TBC1D32: variants seen among roughly 807,000 people sequenced by gnomAD.
TBC1D32 encodes TBC1 domain family member 32, also known as protein broad-minded.
TBC1D32 carries 151 observed loss-of-function variants against 170.3 expected under a neutral mutation model. The observed-to-expected ratio is 0.89, with a 90% confidence interval of 0.78 to 1.01. TBC1D32 has a LOEUF of 1.01. Ranked by LOEUF, TBC1D32 falls within the 50% of genes least tolerant of loss-of-function variation. TBC1D32 has a pLI of 0.00. For synonymous variants in TBC1D32, 498 were observed against 488.0 expected (o/e 1.02, Z -0.27); for missense variants, 1,464 against 1,457.1 (o/e 1.00, Z -0.08).
chr6:121,295,123 GAA>G (rs1257239705), intron 10 of TBC1D32, among the ~76,000 whole-genome samples: 1 of 151,696 alleles, frequency 6.6e-6, no homozygotes, highest in East Asian at 1.9e-4. Flanking sequence ...ATAATTCAAA[GAA>G]AAGAGTCACA....
At chr6:121,132,901 T>C (rs924769657) in intron 24 of TBC1D32, among the ~76,000 whole-genome samples, 4 of 151,986 alleles carry the variant, frequency 2.6e-5, no homozygotes, top group Non-Finnish European at 4.4e-5. Flanking sequence ...TATACACATA[T>C]ACATATGTAA....
intron 22 of TBC1D32, among the ~76,000 whole-genome samples, chr6:121,172,641 T>C (rs1787194663): frequency 6.6e-6 from 1 of 152,218 alleles, no homozygotes; most frequent in Non-Finnish European, 1.5e-5. Context: ...ATACCAGCTA[T>C]GACCATGTGA....
intron 15 of TBC1D32, among the ~76,000 whole-genome samples, chr6:121,271,909 A>T (rs1583500036): frequency 6.6e-6 from 1 of 152,162 alleles, no homozygotes. Context: ...CAAAACAGAG[A>T]TATAGACCCA....
chr6:121,291,594 A>G (rs1804879968), intron 12 of TBC1D32, among the ~76,000 whole-genome samples: 1 of 152,182 alleles, frequency 6.6e-6, no homozygotes, highest in Non-Finnish European at 1.5e-5. Context: ...TTATATGGTA[A>G]TATACAAAAT....
At position 121,135,563 on chromosome 6, in the gene TBC1D32, T is replaced by C. The variant is rs543274646; in HGVS notation, c.2774-3811A>G. 2.0e-5 allele frequency among the ~76,000 whole-genome samples: 3 copies of C among 152,270 alleles called. No homozygotes were observed. In the East Asian group the frequency reaches 5.8e-4, roughly 29 times the overall value. ...GAATTAAGGAGACAGGTGTCAGATT[T>C]CAAAGAGATTAAAGAGGCTAAAATT... On this transcript the variant is annotated intron_variant, in intron 24 of 31. Coordinates refer to ENST00000398212, the MANE Select transcript of TBC1D32 (RefSeq NM_152730.6).
At chr6:121,222,867 G>C (rs957182216) in intron 21 of TBC1D32, among the ~76,000 whole-genome samples, 5 of 152,172 alleles carry the variant, frequency 3.3e-5, no homozygotes, top group African/African-American at 1.2e-4. Flanking sequence ...AGAAAACGCA[G>C]TGGACTCCGT....
Position 121,222,502 on chromosome 6 carries a change from T to C in TBC1D32, c.2481+734A>G, listed in dbSNP as rs957213559. 2.6e-5 allele frequency among the ~76,000 whole-genome samples: 4 copies of C among 152,092 alleles called. No homozygotes were observed. In the East Asian group the frequency reaches 7.7e-4, roughly 29 times the overall value. On this transcript the variant is annotated intron_variant, in intron 21 of 31. Coordinates refer to ENST00000398212, the MANE Select transcript of TBC1D32 (RefSeq NM_152730.6). ...ATAAGCTATTAAAAGTTTCCCAAAGTAGACAAAATTTTTAAAAATCCAAGT... is the reference window on the plus strand; with the variant it reads ...ATAAGCTATTAAAAGTTTCCCAAAGCAGACAAAATTTTTAAAAATCCAAGT...
intron 30 of TBC1D32, among the ~76,000 whole-genome samples, chr6:121,100,198 A>G (rs1464155011): frequency 2.0e-5 from 3 of 151,944 alleles, no homozygotes; most frequent in Non-Finnish European, 4.4e-5. Context: ...TATGTGGTCA[A>G]TTTTGGAATA....
At chr6:121,301,766 G>T (rs970692712) in intron 9 of TBC1D32, among the ~76,000 whole-genome samples, 1 of 151,866 alleles carries the variant, frequency 6.6e-6, no homozygotes, top group Non-Finnish European at 1.5e-5. Flanking sequence ...GGGAATAGAG[G>T]ATTTTTGTAT....
intron 22 of TBC1D32, among the ~76,000 whole-genome samples, chr6:121,197,203 A>T (rs1211579184): frequency 6.6e-6 from 1 of 152,190 alleles, no homozygotes; most frequent in African/African-American, 2.4e-5. Flanking sequence ...AATACAGGAG[A>T]TCCATTAGGG....
At chr6:121,318,837 C>T (rs1809288519) in intron 2 of TBC1D32, among the ~76,000 whole-genome samples, 1 of 150,374 alleles carries the variant, frequency 6.7e-6, no homozygotes, top group South Asian at 2.1e-4. Flanking sequence ...TGAAAATACA[C>T]TAGGAAAATA....
intron 17 of TBC1D32, among the ~76,000 whole-genome samples, chr6:121,245,004 A>T (rs895799901): frequency 6.6e-5 from 10 of 152,186 alleles, no homozygotes; most frequent in Non-Finnish European, 1.2e-4. Flanking sequence ...CTGGAGGCCA[A>T]CAAACTCAGG....
rs1268273532 is a variant in TBC1D32 at position 121,080,826 on chromosome 6, T to G, written c.3719A>C (p.Asn1240Thr). 1 of 1,613,980 alleles carries G rather than the reference T, an allele frequency of 6.2e-7. No individual in the cohort carries two copies. ...GTCTCTCAGCAGCACTGTTCGGTAGTTTTGTTCCAAAATTTCCATGTATTC... is the reference window on the plus strand; with the variant it reads ...GTCTCTCAGCAGCACTGTTCGGTAGGTTTGTTCCAAAATTTCCATGTATTC... ...YFEYMEILEQ[N>T]YRTVLLRDMR... The change falls in exon 32 of 32, where the codon AAC (asparagine) becomes ACC (threonine). Residue 1240 changes from asparagine to threonine, a missense_variant. Coordinates refer to ENST00000398212, the MANE Select transcript of TBC1D32 (RefSeq NM_152730.6).
At chr6:121,233,559 A>C (rs921879393) in intron 20 of TBC1D32, among the ~76,000 whole-genome samples, 30 of 152,144 alleles carry the variant, frequency 2.0e-4, no homozygotes, top group African/African-American at 7.0e-4. Flanking sequence ...ACTGCACGGA[A>C]TATCTTTTTC....
chr6:121,228,729 G>A (rs1583303293), intron 20 of TBC1D32, among the ~76,000 whole-genome samples: 2 of 152,120 alleles, frequency 1.3e-5, no homozygotes, highest in South Asian at 2.1e-4. Flanking sequence ...TGTAGTCACC[G>A]AGTATAATAT....
intron 22 of TBC1D32, among the ~76,000 whole-genome samples, chr6:121,186,730 C>T (rs536206349): frequency 6.6e-6 from 1 of 151,956 alleles, no homozygotes; most frequent in South Asian, 2.1e-4. Flanking sequence ...TATGAAGATA[C>T]GACTAGAACT....
intron 3 of TBC1D32, among the ~76,000 whole-genome samples, chr6:121,312,054 G>C (rs544391255): frequency 1.3e-5 from 2 of 152,298 alleles, no homozygotes; most frequent in East Asian, 3.9e-4. Context: ...GTCCTTTGCA[G>C]GGACTTGGAT....
chr6:121,215,112 AAGTCTGGCTG>A (rs1793656807), intron 21 of TBC1D32, among the ~76,000 whole-genome samples: 1 of 152,216 alleles, frequency 6.6e-6, no homozygotes, highest in Non-Finnish European at 1.5e-5. Context: ...ACATCTGCCC[AAGTCTGGCTG>A]AGTCTGGGGC....
rs141535369 is a variant in TBC1D32 at position 121,080,796 on chromosome 6, C to T, written c.3749G>A (p.Arg1250Gln). Residue 1250 changes from arginine (R) to glutamine (Q), a missense_variant, in exon 32 of 32, where the codon CGG (arginine) becomes CAG (glutamine). By Grantham distance (43) the Arg-to-Gln change is conservative (BLOSUM62 1). Transcript: ENST00000398212. ...CTATGTGCTCTGCAGTCTAATGTTC[C>T]GCATGTCTCTCAGCAGCACTGTTCG... Reference protein sequence around the residue: ...NYRTVLLRDMRNIRLQST With the variant: ...NYRTVLLRDMQNIRLQST The T allele has an allele frequency of 1.5e-4, 248 of 1,613,272 alleles. No homozygotes were observed. In the African/African-American group the frequency reaches 2.9e-3, roughly 19 times the overall value.
Sources: gnomAD v4.1 joint callset for allele counts (sites outside exome capture counted in the v4.1 genomes callset) on GRCh38, gnomAD v4.1.1 for gene constraint, MANE v1.5 for transcripts, NCBI Gene and HGNC (gene_info 2026-07-23, HGNC 2026-07-21) for gene names.